MARK4: variants seen among roughly 807,000 people sequenced by gnomAD.
The protein encoded by MARK4 is MAP/microtubule affinity-regulating kinase 4.
MARK4 carries 19 observed loss-of-function variants against 81.5 expected under a neutral mutation model. That is an observed-to-expected ratio of 0.23 (90% CI 0.16 to 0.34). The LOEUF (loss-of-function observed/expected upper bound fraction) is 0.34. Among genes scored for constraint, MARK4 ranks in the 10% least tolerant of loss-of-function variants. The pLI, the probability that MARK4 is intolerant of heterozygous loss-of-function variation, is 1.00. For missense variants in MARK4, 772 were observed against 1,058.8 expected, an observed-to-expected ratio of 0.73 and a Z score of 3.76; for synonymous variants, 436 against 439.0, an observed-to-expected ratio of 0.99 and a Z score of 0.08.
At chr19:45,278,912 G>A (rs1331098859) in intron 10 of MARK4, among the ~76,000 whole-genome samples, 3 of 151,958 alleles carry the variant, frequency 2.0e-5, no homozygotes, top group Non-Finnish European at 2.9e-5. Flanking sequence ...GCCCATGTTC[G>A]CTTTGATATT....
At chr19:45,281,254 A>G (rs992325107) in intron 12 of MARK4, among the ~76,000 whole-genome samples, 1 of 151,588 alleles carries the variant, frequency 6.6e-6, no homozygotes, top group African/African-American at 2.4e-5. Flanking sequence ...GGGTTTCACC[A>G]TGTTGGCCAA....
chr19:45,286,271 G>T (rs527871228), intron 12 of MARK4, among the ~76,000 whole-genome samples: 2 of 151,998 alleles, frequency 1.3e-5, no homozygotes, highest in South Asian at 4.1e-4. Context: ...AGCCAGGCTG[G>T]TCTCAATCTC....
At chr19:45,298,336 G>T in intron 15 of MARK4, 1 of 988,458 alleles carries the variant, frequency 1.0e-6, no homozygotes. Flanking sequence ...TGTGCGTGGG[G>T]TCTGGTTGTT....
At chr19:45,292,945 C>T (rs937678785) in intron 13 of MARK4, among the ~76,000 whole-genome samples, 2 of 151,906 alleles carry the variant, frequency 1.3e-5, no homozygotes, top group African/African-American at 4.8e-5. Context: ...AATAAAGCAA[C>T]AAAACCTAAA....
intron 2 of MARK4, among the ~76,000 whole-genome samples, chr19:45,260,511 G>A (rs1167622904): frequency 6.6e-6 from 1 of 151,666 alleles, no homozygotes; most frequent in Non-Finnish European, 1.5e-5. Flanking sequence ...GGCCAACATG[G>A]CAAAACCCCA....
rs1231620709 is a variant in MARK4, at chr19:45,280,743, C to T, written c.1276+9C>T. 36 of 1,613,760 alleles carry T rather than the reference C, an allele frequency of 2.2e-5. 1 individual carries two copies. In the East Asian group the frequency reaches 7.8e-4, roughly 35 times the overall value. On this transcript the variant is annotated intron_variant, in intron 12 of 16. Transcript: ENST00000262891. ...CAGGCATAGCGATTTCTGTGAGTATCAACCCCACGCCCTCACGCACCCTCC... is the reference window on the plus strand; with the variant it reads ...CAGGCATAGCGATTTCTGTGAGTATTAACCCCACGCCCTCACGCACCCTCC...
At chr19:45,275,375 C>A (rs1295437122) in intron 8 of MARK4, among the ~76,000 whole-genome samples, 4 of 152,144 alleles carry the variant, frequency 2.6e-5, no homozygotes, top group Non-Finnish European at 5.9e-5. Flanking sequence ...GTCCCAGCTA[C>A]TTGGGATGCT....
rs540476004 is a variant in MARK4, at chr19:45,292,598, C to T, written c.1495-1751C>T. 5.9e-5 allele frequency among the ~76,000 whole-genome samples: 9 copies of T among 151,844 alleles called. 1 individual carries two copies. Among genetic ancestry groups the T allele is most frequent in the Admixed American group, 1.3e-4 (2 of 15,244 alleles). On this transcript the variant is annotated intron_variant, in intron 13 of 16. Transcript: ENST00000262891. ...AAACCTCAAAGAAAGTAGAAGGGAC[C>T]GGAATTGGTGGCTCATGCCTGTAAT...
chr19:45,288,494 A>G (rs1355648611), intron 13 of MARK4: 2 of 149,726 alleles, frequency 1.3e-5, no homozygotes, highest in African/African-American at 4.9e-5. Context: ...CGGAAGCTAC[A>G]GTGAGCTAAG....
In MARK4 at chr19:45,302,595, A is replaced by C. The variant is rs1430302829; in HGVS notation, c.2144A>C (p.Glu715Ala). Reference sequence around the variant, plus strand: ...GAGCCCCTGTCCCACTTCGAAGTGGAGGTCTGCCAGCTGCCCCGGCCAGGC... The same window carrying C: ...GAGCCCCTGTCCCACTTCGAAGTGGCGGTCTGCCAGCTGCCCCGGCCAGGC... ...GPEPLSHFEV[E>A]VCQLPRPGLR... Residue 715 changes from glutamate to alanine, a missense_variant, in exon 17 of 17, where the codon GAG becomes GCG. Coordinates refer to ENST00000262891, the MANE Select transcript of MARK4 (RefSeq NM_001199867.2). The surrounding 1 kb of genome is among the most constrained non-coding windows in gnomAD (Gnocchi z 4.9). The C allele has an allele frequency of 3.5e-5, 55 of 1,569,282 alleles. No individual in the cohort carries two copies. Among genetic ancestry groups the C allele is most frequent in the Non-Finnish European group, 4.5e-5 (52 of 1,164,548 alleles).
At chr19:45,301,517 A>G (rs934611422) in intron 16 of MARK4, among the ~76,000 whole-genome samples, 1 of 128,460 alleles carries the variant, frequency 7.8e-6, no homozygotes, top group Non-Finnish European at 1.6e-5. Flanking sequence ...AGATTGTGTC[A>G]TTGCCTTCCA....
chr19:45,269,797 C>T (rs986436907), intron 7 of MARK4, among the ~76,000 whole-genome samples: 2 of 152,056 alleles, frequency 1.3e-5, no homozygotes, highest in Non-Finnish European at 2.9e-5. Context: ...ATTGCAAGAC[C>T]GCATGCCGCA....
At chr19:45,270,413 T>TA (rs1406635119) in intron 7 of MARK4, among the ~76,000 whole-genome samples, 6 of 152,112 alleles carry the variant, frequency 3.9e-5, no homozygotes, top group African/African-American at 1.2e-4. Context: ...GCATGGTAGA[T>TA]ATGCAACCAG....
At chr19:45,270,368 G>A (rs1344013878) in intron 7 of MARK4, among the ~76,000 whole-genome samples, 1 of 152,134 alleles carries the variant, frequency 6.6e-6, no homozygotes, top group Non-Finnish European at 1.5e-5. Context: ...TATGCAGACA[G>A]ACACTGTTAT....
intron 7 of MARK4, among the ~76,000 whole-genome samples, chr19:45,269,817 A>G (rs1285672040): frequency 6.6e-6 from 1 of 152,162 alleles, no homozygotes; most frequent in Non-Finnish European, 1.5e-5. Flanking sequence ...AAAAAAATAG[A>G]CAAAACTTTA....
intron 12 of MARK4, among the ~76,000 whole-genome samples, chr19:45,284,784 C>G (rs1246159586): frequency 1.3e-5 from 2 of 151,904 alleles, no homozygotes; most frequent in African/African-American, 4.8e-5. Flanking sequence ...GAAACCTCAT[C>G]TCTACAGAAA....
At chr19:45,264,545 A>G in intron 4 of MARK4, 139 bp from the exon 5 acceptor site, 2 of 798,002 alleles carry the variant, frequency 2.5e-6, no homozygotes, top group East Asian at 2.5e-5. Flanking sequence ...GAGTTTGGAA[A>G]ATCTTGCTGT....
chr19:45,253,466 A>T (rs1970270056), intron 1 of MARK4, among the ~76,000 whole-genome samples: 1 of 152,158 alleles, frequency 6.6e-6, no homozygotes, highest in East Asian at 1.9e-4. Context: ...CCTGCCCTGG[A>T]AAATAGGGGT....
chr19:45,264,353 T>C (rs1480224634), intron 4 of MARK4, among the ~76,000 whole-genome samples: 1 of 151,750 alleles, frequency 6.6e-6, no homozygotes, highest in Non-Finnish European at 1.5e-5. Flanking sequence ...AATACAAAAT[T>C]AGCCGGATAT....
Sources: allele counts gnomAD v4.1 joint callset (sites outside exome capture counted in the v4.1 genomes callset), GRCh38; gene constraint gnomAD v4.1.1; non-coding constraint Gnocchi (gnomAD v3.1); transcripts MANE v1.5; gene names NCBI Gene and HGNC (gene_info 2026-07-23, HGNC 2026-07-21).